KCNH7: variants seen among roughly 807,000 people sequenced by gnomAD.
The protein encoded by KCNH7 is voltage-gated inwardly rectifying potassium channel KCNH7.
KCNH7 carries 49 observed loss-of-function variants against 120.8 expected under a neutral mutation model. The ratio of observed to expected loss-of-function variants is 0.41; its 90% confidence interval spans 0.32 to 0.51. The LOEUF (loss-of-function observed/expected upper bound fraction) is 0.51, where lower values mean the gene tolerates loss of function less well. Ranked by LOEUF, KCNH7 falls within the 20% of genes least tolerant of loss-of-function variation. The pLI is 0.38. For missense variants in KCNH7, 1,097 were observed against 1,446.6 expected, an observed-to-expected ratio of 0.76 and a Z score of 3.92; for synonymous variants, 547 against 516.1, an observed-to-expected ratio of 1.06 and a Z score of -0.81.
intron 2 of KCNH7, among the ~76,000 whole-genome samples, chr2:162,649,779 A>G (rs922050421): frequency 1.3e-5 from 2 of 152,156 alleles, no homozygotes; most frequent in African/African-American, 4.8e-5. Context: ...GAATTCTTCA[A>G]TCTCTCTTTG....
chr2:162,708,452 T>G (rs536810234), intron 2 of KCNH7, among the ~76,000 whole-genome samples: 2 of 152,122 alleles, frequency 1.3e-5, no homozygotes, highest in Admixed American at 6.6e-5. Flanking sequence ...CCTAGAGGTA[T>G]AAGTAGAGCA....
At chr2:162,492,090 G>A (rs1466739786) in intron 6 of KCNH7, among the ~76,000 whole-genome samples, 1 of 152,184 alleles carries the variant, frequency 6.6e-6, no homozygotes, top group Non-Finnish European at 1.5e-5. Flanking sequence ...TTACCAGTCA[G>A]ACTTCTGGCC....
intron 2 of KCNH7, among the ~76,000 whole-genome samples, chr2:162,756,232 T>C (rs1055159969): frequency 2.0e-5 from 3 of 152,080 alleles, no homozygotes; most frequent in Non-Finnish European, 2.9e-5. Context: ...CAGAGGTCAA[T>C]TTTACTTATA....
chr2:162,712,133 T>C (rs1176438041), intron 2 of KCNH7, among the ~76,000 whole-genome samples: 1 of 152,222 alleles, frequency 6.6e-6, no homozygotes, highest in Non-Finnish European at 1.5e-5. Flanking sequence ...AAATGTAGCA[T>C]GGTTTTTCCT....
At chr2:162,613,586 T>C (rs758919731) in intron 2 of KCNH7, among the ~76,000 whole-genome samples, 3 of 152,022 alleles carry the variant, frequency 2.0e-5, no homozygotes, top group Non-Finnish European at 4.4e-5. Flanking sequence ...TTTAAAATTA[T>C]GACTCTTTCA....
chr2:162,720,964 T>C (rs1687304571), intron 2 of KCNH7, among the ~76,000 whole-genome samples: 1 of 152,152 alleles, frequency 6.6e-6, no homozygotes, highest in Non-Finnish European at 1.5e-5. Context: ...TTCTTAAATT[T>C]AGATTATCTA....
chr2:162,414,398 C>T (rs989091922), intron 9 of KCNH7, among the ~76,000 whole-genome samples: 1 of 151,146 alleles, frequency 6.6e-6, no homozygotes, highest in Non-Finnish European at 1.5e-5. Context: ...AGAGAAGAAA[C>T]CATTAGTATA....
Position 162,636,046 on chromosome 2 carries a change from C to A in KCNH7, c.308-98966G>T, listed in dbSNP as rs185930683. 1.9e-3 allele frequency among the ~76,000 whole-genome samples: 287 copies of A among 152,152 alleles called. 1 individual carries two copies. Among genetic ancestry groups the A allele is most frequent in the African/African-American group, 6.4e-3 (267 of 41,522 alleles). Reference sequence around the variant, plus strand: ...TTTCATTAGAGCTTCCTTTTTGACACCTACTTTGGTTTCAGGTATTTTAGT... The same window carrying A: ...TTTCATTAGAGCTTCCTTTTTGACAACTACTTTGGTTTCAGGTATTTTAGT... On this transcript the variant is annotated intron_variant, in intron 2 of 15. Transcript: ENST00000332142.
intron 2 of KCNH7, among the ~76,000 whole-genome samples, chr2:162,776,121 G>A (rs117124890): frequency 1.1e-4 from 16 of 152,186 alleles, no homozygotes; most frequent in East Asian, 3.9e-4. Flanking sequence ...CGAATATACC[G>A]TTCTCTCATT....
chr2:162,538,729 A>C (rs910076763), intron 2 of KCNH7, among the ~76,000 whole-genome samples: 6 of 152,068 alleles, frequency 3.9e-5, no homozygotes, highest in African/African-American at 1.4e-4. Context: ...CGAGGACTTC[A>C]TAGGGGAGGG....
chr2:162,676,010 A>G (rs1685518827), intron 2 of KCNH7, among the ~76,000 whole-genome samples: 1 of 151,508 alleles, frequency 6.6e-6, no homozygotes, highest in African/African-American at 2.4e-5. Context: ...GCATTTCAAA[A>G]TTAGAAATAT....
intron 2 of KCNH7, among the ~76,000 whole-genome samples, chr2:162,673,350 TTA>T (rs1161198115): frequency 2.0e-5 from 3 of 152,164 alleles, no homozygotes; most frequent in East Asian, 3.9e-4. Flanking sequence ...CGAAACAACA[TTA>T]TCAGTCAGGT....
At chr2:162,568,664 A>G (rs10205404) in intron 2 of KCNH7, among the ~76,000 whole-genome samples, 85,922 of 151,618 alleles carry the variant, frequency 0.57, 24,985 homozygotes, top group Admixed American at 0.68. Context: ...GATGAAGTTA[A>G]AGCTGTTGGA....
intron 6 of KCNH7, among the ~76,000 whole-genome samples, chr2:162,463,980 T>A (rs1242877042): frequency 1.3e-5 from 2 of 151,964 alleles, no homozygotes; most frequent in Admixed American, 1.3e-4. Flanking sequence ...GCTGATTCTA[T>A]CATAGTCAAG....
intron 12 of KCNH7, among the ~76,000 whole-genome samples, chr2:162,390,039 G>C (rs1399486351): frequency 6.6e-6 from 1 of 151,844 alleles, no homozygotes; most frequent in African/African-American, 2.4e-5. Context: ...CAAATGAATG[G>C]GTGATTGTTT....
intron 2 of KCNH7, among the ~76,000 whole-genome samples, chr2:162,674,132 A>T (rs143597769): frequency 2.0e-3 from 302 of 151,992 alleles, no homozygotes; most frequent in Non-Finnish European, 3.4e-3. Flanking sequence ...AGGAAGGTGG[A>T]AAGATAAATT....
At chr2:162,587,889 G>A (rs557190173) in intron 2 of KCNH7, among the ~76,000 whole-genome samples, 136 of 152,076 alleles carry the variant, frequency 8.9e-4, no homozygotes, top group South Asian at 1.9e-3. Flanking sequence ...TAATGAGTCA[G>A]TATATATAAG....
In KCNH7 at chr2:162,702,940, A is replaced by G. The variant is rs577081091; in HGVS notation, c.307+133597T>C. 8.5e-5 allele frequency among the ~76,000 whole-genome samples: 13 copies of G among 152,240 alleles called. 1 individual carries two copies. In the South Asian group the frequency reaches 2.7e-3, roughly 32 times the overall value. ...AACAGTGTTTGATTTATCTTTGGAA[A>G]TATAGGGCTCCCCAAGTGCACTAGA... On this transcript the variant is annotated intron_variant, in intron 2 of 15. Transcript: ENST00000332142.
At chr2:162,807,768 C>T (rs12105343) in intron 2 of KCNH7, among the ~76,000 whole-genome samples, 1,719 of 151,644 alleles carry the variant, frequency 0.011, 36 homozygotes, top group African/African-American at 0.038. Context: ...CTGCAACCTC[C>T]GCCTCCCAGG....
Sources: gnomAD v4.1 joint callset for allele counts (sites outside exome capture counted in the v4.1 genomes callset) on GRCh38, gnomAD v4.1.1 for gene constraint, MANE v1.5 for transcripts, NCBI Gene and HGNC (gene_info 2026-07-23, HGNC 2026-07-21) for gene names.